The following BMPER variants were observed in gnomAD, a reference collection of about 807,000 sequenced individuals.
The protein encoded by BMPER is BMP binding endothelial regulator, also known as BMP-binding endothelial regulator protein.
Under a neutral mutation model 87.3 loss-of-function variants are expected in BMPER, and 45 were observed. The observed-to-expected ratio is 0.52, with a 90% confidence interval of 0.41 to 0.66. BMPER has a LOEUF of 0.66. Ranked by LOEUF, BMPER falls within the 30% of genes least tolerant of loss-of-function variation. BMPER has a pLI of 0.00. For synonymous variants in BMPER, 326 were observed against 316.2 expected, an observed-to-expected ratio of 1.03 and a Z score of -0.33; for missense variants, 784 against 867.5, an observed-to-expected ratio of 0.90 and a Z score of 1.21.
intron 13 of BMPER, among the ~76,000 whole-genome samples, chr7:34,100,772 G>T (rs1285367583): frequency 6.6e-6 from 1 of 152,152 alleles, no homozygotes; most frequent in Non-Finnish European, 1.5e-5. Flanking sequence ...GACTTGCTAT[G>T]ATAAGCTCAG....
chr7:34,075,077 A>G (rs1788829530), intron 11 of BMPER, among the ~76,000 whole-genome samples: 1 of 152,160 alleles, frequency 6.6e-6, no homozygotes, highest in African/African-American at 2.4e-5. Flanking sequence ...TTTTGAAAAT[A>G]ATCACTGCTC....
intron 13 of BMPER, among the ~76,000 whole-genome samples, chr7:34,128,895 G>A (rs1394404321): frequency 6.6e-6 from 1 of 152,110 alleles, no homozygotes; most frequent in Non-Finnish European, 1.5e-5. Context: ...TATTATAAAA[G>A]GAATTCCTGC....
chr7:34,110,722 C>G (rs1789940039), intron 13 of BMPER, among the ~76,000 whole-genome samples: 1 of 152,120 alleles, frequency 6.6e-6, no homozygotes, highest in Non-Finnish European at 1.5e-5. Context: ...AGGCCTCAAG[C>G]CCCAAAACTA....
chr7:33,949,563 C>T (rs1258075371), intron 3 of BMPER, among the ~76,000 whole-genome samples: 1 of 151,948 alleles, frequency 6.6e-6, no homozygotes, highest in Non-Finnish European at 1.5e-5. Flanking sequence ...ATTGCATTCC[C>T]TCCCCACCAT....
intron 3 of BMPER, among the ~76,000 whole-genome samples, chr7:33,964,692 G>A (rs1016966834): frequency 1.3e-5 from 2 of 152,112 alleles, no homozygotes; most frequent in African/African-American, 4.8e-5. Flanking sequence ...CATTGCTTGG[G>A]AACAGCCTGT....
chr7:34,147,888 G>A (rs1486825638), intron 14 of BMPER, among the ~76,000 whole-genome samples: 1 of 152,088 alleles, frequency 6.6e-6, no homozygotes, highest in Non-Finnish European at 1.5e-5. Flanking sequence ...AAAAACAACT[G>A]AATTCACAGA....
At chr7:33,980,941 A>G (rs952142193) in intron 6 of BMPER, among the ~76,000 whole-genome samples, 1 of 152,202 alleles carries the variant, frequency 6.6e-6, no homozygotes, top group Non-Finnish European at 1.5e-5. Context: ...TGAAACTCCA[A>G]GGAAGGGTAT....
intron 13 of BMPER, among the ~76,000 whole-genome samples, chr7:34,112,413 G>A (rs969924301): frequency 2.0e-5 from 3 of 150,578 alleles, no homozygotes; most frequent in African/African-American, 7.3e-5. Flanking sequence ...GGAGAACGGC[G>A]TGAACCTCGG....
chr7:33,974,259 C>T lies in BMPER; in HGVS notation c.494-443C>T, dbSNP rs75220670. On this transcript the variant is annotated intron_variant, in intron 5 of 14. Transcript: ENST00000649409. ...GAGTGAGATTGGGGTACCTAGGACG[C>T]GATAGAGGCTGTGCCCTTCTTAGGT... Among the ~76,000 whole-genome samples, 1,173 of 152,212 alleles carry T rather than the reference C, an allele frequency of 7.7e-3. 21 individuals carry two copies. The highest frequency in any genetic ancestry group is 0.027 in the African/African-American group (1,119 of 41,520).
intron 2 of BMPER, among the ~76,000 whole-genome samples, chr7:33,909,995 C>T (rs2128601197): frequency 6.6e-6 from 1 of 152,288 alleles, no homozygotes; most frequent in Middle Eastern, 3.4e-3. Context: ...TTGCCAGAAC[C>T]AGTCCCAGTC....
intron 7 of BMPER, among the ~76,000 whole-genome samples, chr7:34,050,888 A>G (rs1788130284): frequency 6.6e-6 from 1 of 152,216 alleles, no homozygotes; most frequent in African/African-American, 2.4e-5. Context: ...TGGACACTCG[A>G]CATGTACCTC....
chr7:34,101,427 A>G (rs1789679676), intron 13 of BMPER, among the ~76,000 whole-genome samples: 2 of 152,184 alleles, frequency 1.3e-5, no homozygotes, highest in Admixed American at 6.5e-5. Context: ...TTCATTAGTT[A>G]CATCAGGTGG....
intron 3 of BMPER, among the ~76,000 whole-genome samples, chr7:33,958,475 G>C (rs1168522857): frequency 6.6e-6 from 1 of 152,122 alleles, no homozygotes; most frequent in Non-Finnish European, 1.5e-5. Context: ...TACCACTCCA[G>C]CCACAAAATC....
intron 11 of BMPER, among the ~76,000 whole-genome samples, chr7:34,065,778 G>A (rs1317288517): frequency 6.6e-6 from 1 of 152,188 alleles, no homozygotes; most frequent in African/African-American, 2.4e-5. Context: ...AAGCATGCAG[G>A]TTTTGAGTAA....
intron 14 of BMPER, among the ~76,000 whole-genome samples, chr7:34,147,682 C>G (rs1791066074): frequency 6.6e-6 from 1 of 152,098 alleles, no homozygotes. Flanking sequence ...GTTGGTCAGG[C>G]AGGTCTTGAA....
At chr7:33,940,894 ATT>A (rs1489879201) in intron 3 of BMPER, among the ~76,000 whole-genome samples, 1 of 133,676 alleles carries the variant, frequency 7.5e-6, no homozygotes, top group African/African-American at 3.1e-5. Context: ...ATATAATAGA[ATT>A]TATATATATT....
At chr7:33,906,456 A>T (rs562199192) in intron 1 of BMPER, among the ~76,000 whole-genome samples, 3 of 124,476 alleles carry the variant, frequency 2.4e-5, no homozygotes, top group Non-Finnish European at 3.4e-5. Context: ...GGGTTTTTTT[A>T]AATTTTATTT....
At chr7:33,907,688 G>A (rs1225664624) in intron 2 of BMPER, among the ~76,000 whole-genome samples, 1 of 152,168 alleles carries the variant, frequency 6.6e-6, no homozygotes, top group African/African-American at 2.4e-5. Flanking sequence ...GCTTAGGAGT[G>A]TTTTACATGC....
chr7:33,923,759 G>A (rs1183465654), intron 2 of BMPER, among the ~76,000 whole-genome samples: 1 of 152,144 alleles, frequency 6.6e-6, no homozygotes, highest in Non-Finnish European at 1.5e-5. Context: ...CACATATGGC[G>A]CTCTCTCAGC....
Sources: gnomAD v4.1 joint callset for allele counts (sites outside exome capture counted in the v4.1 genomes callset) on GRCh38, gnomAD v4.1.1 for gene constraint, MANE v1.5 for transcripts, NCBI Gene and HGNC (gene_info 2026-07-23, HGNC 2026-07-21) for gene names.